ME3: variants seen among roughly 807,000 people sequenced by gnomAD.
ME3 encodes NADP-dependent malic enzyme, mitochondrial.
Under a neutral mutation model 68.9 loss-of-function variants are expected in ME3, and 48 were observed. The observed-to-expected ratio is 0.70, with a 90% CI of 0.55 to 0.89. The LOEUF (loss-of-function observed/expected upper bound fraction) is 0.89, where lower values mean the gene tolerates loss of function less well. ME3 is among the 40% of genes least tolerant of loss of function. The probability of loss-of-function intolerance (pLI) is 0.00; values close to 1 mark genes in which losing one functional copy is unlikely to be tolerated. For synonymous variants in ME3, 320 were observed against 318.8 expected, an observed-to-expected ratio of 1.00 and a Z score of -0.04; for missense variants, 675 against 797.4, an observed-to-expected ratio of 0.85 and a Z score of 1.85.
chr11:86,560,726 A>ATGTGTGTGTG (rs763026313), intron 2 of ME3, among the ~76,000 whole-genome samples: 1 of 106,064 alleles, frequency 9.4e-6, no homozygotes, highest in African/African-American at 3.9e-5. Flanking sequence ...GTGTGTGTGT[A>ATGTGTGTGTG]TGTGTGTGTG....
At chr11:86,462,009 C>T (rs1026891495) in intron 8 of ME3, among the ~76,000 whole-genome samples, 2 of 152,060 alleles carry the variant, frequency 1.3e-5, no homozygotes, top group African/African-American at 4.8e-5. Flanking sequence ...GCTATAGAGG[C>T]AAGACACAAA....
intron 2 of ME3, among the ~76,000 whole-genome samples, chr11:86,646,372 T>TA (rs1306564509): frequency 6.6e-6 from 1 of 152,090 alleles, no homozygotes; most frequent in African/African-American, 2.4e-5. Flanking sequence ...CTAATGGAGC[T>TA]AAAAAACACA....
intron 4 of ME3, among the ~76,000 whole-genome samples, chr11:86,521,532 C>A (rs951423520): frequency 6.6e-6 from 1 of 151,786 alleles, no homozygotes; most frequent in African/African-American, 2.4e-5. Context: ...TGTACAAAGT[C>A]AGTCGTAAAG....
intron 5 of ME3, among the ~76,000 whole-genome samples, chr11:86,507,844 G>A (rs937620154): frequency 1.3e-5 from 2 of 151,980 alleles, no homozygotes; most frequent in African/African-American, 4.8e-5. Flanking sequence ...AATTACCCAG[G>A]CATAGTGGCC....
chr11:86,558,205 A>T (rs1435276714), intron 3 of ME3, among the ~76,000 whole-genome samples: 1 of 152,224 alleles, frequency 6.6e-6, no homozygotes, highest in Non-Finnish European at 1.5e-5. Context: ...ATCTGTAGGA[A>T]AGAGGATTTC....
At chr11:86,618,801 T>C (rs1204899405) in intron 2 of ME3, among the ~76,000 whole-genome samples, 2 of 148,392 alleles carry the variant, frequency 1.3e-5, no homozygotes, top group South Asian at 2.3e-4. Context: ...CACTGCAACC[T>C]CCACCTCCTG....
chr11:86,573,433 T>C (rs1467966504), intron 2 of ME3, among the ~76,000 whole-genome samples: 1 of 151,576 alleles, frequency 6.6e-6, no homozygotes. Flanking sequence ...TTAGTCTTTT[T>C]TTTTTTTTGG....
intron 2 of ME3, among the ~76,000 whole-genome samples, chr11:86,628,773 C>T (rs1462331819): frequency 6.6e-6 from 1 of 152,164 alleles, no homozygotes; most frequent in African/African-American, 2.4e-5. Flanking sequence ...ACCGCAGTTG[C>T]AACTCCTGCA....
At chr11:86,658,371 C>A (rs1946056732) in intron 2 of ME3, among the ~76,000 whole-genome samples, 1 of 151,988 alleles carries the variant, frequency 6.6e-6, no homozygotes, top group Non-Finnish European at 1.5e-5. Flanking sequence ...GATCCACCTG[C>A]CTCAGCCTCT....
intron 2 of ME3, among the ~76,000 whole-genome samples, chr11:86,586,992 G>C (rs980495016): frequency 6.6e-6 from 1 of 152,204 alleles, no homozygotes. Context: ...AGGATGTGCA[G>C]ATCTGAAAGT....
intron 4 of ME3, among the ~76,000 whole-genome samples, chr11:86,543,364 T>G (rs1956162059): frequency 6.6e-6 from 1 of 152,118 alleles, no homozygotes; most frequent in Non-Finnish European, 1.5e-5. Context: ...ACTGGCAAAT[T>G]GGATAAAGAG....
At chr11:86,470,234 G>A (rs766094719) in intron 7 of ME3, among the ~76,000 whole-genome samples, 3 of 152,118 alleles carry the variant, frequency 2.0e-5, no homozygotes, top group Non-Finnish European at 2.9e-5. Flanking sequence ...TGCTCAACCT[G>A]CCTCTAAATA....
chr11:86,633,359 T>A (rs1415197795), intron 2 of ME3, among the ~76,000 whole-genome samples: 1 of 152,208 alleles, frequency 6.6e-6, no homozygotes, highest in Non-Finnish European at 1.5e-5. Flanking sequence ...ATTTTGTAGA[T>A]CAGGAAACTG....
intron 4 of ME3, among the ~76,000 whole-genome samples, chr11:86,514,792 A>G (rs1352204172): frequency 1.3e-5 from 2 of 152,180 alleles, no homozygotes; most frequent in African/African-American, 4.8e-5. Flanking sequence ...AATACATTAC[A>G]GTGTCTGCTG....
intron 4 of ME3, among the ~76,000 whole-genome samples, chr11:86,532,898 A>G (rs1428618091): frequency 2.6e-5 from 4 of 152,188 alleles, no homozygotes; most frequent in Non-Finnish European, 4.4e-5. Flanking sequence ...CGTCTCTACT[A>G]AAAAATTAGC....
chr11:86,486,498 C>T (rs1270289596), intron 7 of ME3, among the ~76,000 whole-genome samples: 1 of 152,236 alleles, frequency 6.6e-6, no homozygotes, highest in African/African-American at 2.4e-5. Flanking sequence ...GGCTCCAGCC[C>T]ACTGTTCTGG....
At chr11:86,509,573 G>A (rs1202426385) in intron 4 of ME3, among the ~76,000 whole-genome samples, 1 of 152,174 alleles carries the variant, frequency 6.6e-6, no homozygotes, top group Non-Finnish European at 1.5e-5. Flanking sequence ...GGCAACTTGG[G>A]GCAACAGGAG....
At chr11:86,488,506 A>G (rs1951821572) in intron 6 of ME3, among the ~76,000 whole-genome samples, 1 of 152,166 alleles carries the variant, frequency 6.6e-6, no homozygotes, top group South Asian at 2.1e-4. Flanking sequence ...ATTTCAGTTC[A>G]AGAGAGATGC....
chr11:86,607,505 T>A (rs7108746), intron 2 of ME3, among the ~76,000 whole-genome samples: 39,155 of 147,928 alleles, frequency 0.26, 5,456 homozygotes, highest in African/African-American at 0.34. Context: ...AAATAGAGCC[T>A]GGTGAATATC....
Sources: allele counts gnomAD v4.1 joint callset (sites outside exome capture counted in the v4.1 genomes callset), GRCh38; gene constraint gnomAD v4.1.1; transcripts MANE v1.5; gene names NCBI Gene and HGNC (gene_info 2026-07-23, HGNC 2026-07-21).